Variants in LRRK2 observed in about 807,000 individuals in gnomAD.
The protein encoded by LRRK2 is leucine-rich repeat serine/threonine-protein kinase 2.
Under a neutral mutation model 302.6 loss-of-function variants are expected in LRRK2, and 203 were observed. The ratio of observed to expected loss-of-function variants is 0.67; its 90% CI spans 0.60 to 0.75. LRRK2 has a LOEUF of 0.75. LRRK2 is among the 30% of genes least tolerant of loss of function. LRRK2 has a pLI of 0.00. For synonymous variants in LRRK2, 1,066 were observed against 1,031.9 expected, an observed-to-expected ratio of 1.03 and a Z score of -0.63; for missense variants, 2,830 against 2,951.0, an observed-to-expected ratio of 0.96 and a Z score of 0.95.
chr12:40,264,477 G>A (rs989564571), intron 14 of LRRK2, among the ~76,000 whole-genome samples: 1 of 152,104 alleles, frequency 6.6e-6, no homozygotes, highest in Non-Finnish European at 1.5e-5. Flanking sequence ...AAATTAACTG[G>A]GCATGGTGGC....
chr12:40,263,274 G>T (rs1942855357), intron 13 of LRRK2, among the ~76,000 whole-genome samples: 1 of 152,106 alleles, frequency 6.6e-6, no homozygotes, highest in Non-Finnish European at 1.5e-5. Flanking sequence ...AAATAGCAAT[G>T]CTATTATATA....
Position 40,257,485 on chromosome 12 carries a change from CA to C in LRRK2, c.1418+109del, listed in dbSNP as rs1443323315. Reference sequence around the variant, plus strand: ...TGAAAAGAAAAAGAAAAACATAAGACACTTGAAAACTGAAGCATTTTGCAAT... The same window carrying C: ...TGAAAAGAAAAAGAAAAACATAAGACCTTGAAAACTGAAGCATTTTGCAAT... On this transcript the variant is annotated intron_variant, in intron 12 of 50. Transcript: ENST00000298910. 21 of 1,328,006 alleles carry C rather than the reference CA, an allele frequency of 1.6e-5. No individual in the cohort carries two copies. In the Admixed American group the frequency reaches 3.8e-4, roughly 24 times the overall value. The allele number at this position is 1,328,006 out of a possible 1,614,324, so 82.3% of individuals were successfully genotyped here. A position where few individuals can be genotyped will look rare whatever the true frequency, so the allele number is the denominator to read the frequency against.
chr12:40,278,353 T>C (rs574892056), intron 18 of LRRK2, 92 bp downstream of exon 18: 365 of 1,444,054 alleles, frequency 2.5e-4, no homozygotes, highest in Non-Finnish European at 3.3e-4. Context: ...TATATCATAT[T>C]ATTCTTCACT....
intron 18 of LRRK2, among the ~76,000 whole-genome samples, chr12:40,282,299 G>A (rs1943745495): frequency 6.6e-6 from 1 of 151,478 alleles, no homozygotes; most frequent in Non-Finnish European, 1.5e-5. Context: ...ATATTTGCTA[G>A]ATGTTGTGCT....
intron 19 of LRRK2, among the ~76,000 whole-genome samples, chr12:40,285,411 T>C (rs944074567): frequency 6.6e-6 from 1 of 152,094 alleles, no homozygotes; most frequent in African/African-American, 2.4e-5. Context: ...GTATTCAATA[T>C]TGGCAAAAAA....
Position 40,368,613 on chromosome 12 carries a change from T to C in LRRK2, c.*848T>C, listed in dbSNP as rs896425322. ...ACCACTAGCTACTTGTTTTCTAATC[T>C]GCTTCATTCTAATGCTTATATTCAT... On this transcript the variant is annotated 3_prime_UTR_variant, in exon 51 of 51. Transcript: ENST00000298910. 1 of 151,878 alleles carries C rather than the reference T, an allele frequency of 6.6e-6. No individual in the cohort carries two copies. The highest frequency in any genetic ancestry group is 2.4e-5 in the African/African-American group (1 of 41,410). The allele number at this position is 151,878 out of a possible 1,614,324, so 9.4% of individuals were successfully genotyped here.
chr12:40,311,285 G>C (rs551209400), intron 31 of LRRK2, among the ~76,000 whole-genome samples: 1 of 152,234 alleles, frequency 6.6e-6, no homozygotes, highest in Admixed American at 6.5e-5. Flanking sequence ...AATGTTTAAA[G>C]TTATCTTCTC....
intron 3 of LRRK2, 93 bp from the exon 4 acceptor site, chr12:40,235,533 G>A: frequency 1.3e-6 from 1 of 780,254 alleles, no homozygotes; most frequent in East Asian, 2.6e-5. Context: ...TACAATGAGA[G>A]TAATAAAAAA....
intron 12 of LRRK2, among the ~76,000 whole-genome samples, chr12:40,258,376 T>C (rs1942613635): frequency 6.6e-6 from 1 of 152,180 alleles, no homozygotes; most frequent in African/African-American, 2.4e-5. Flanking sequence ...TATTTAAGTG[T>C]TGTTTTTGAA....
intron 11 of LRRK2, among the ~76,000 whole-genome samples, chr12:40,254,840 G>C (rs901759299): frequency 6.6e-6 from 1 of 152,074 alleles, no homozygotes; most frequent in African/African-American, 2.4e-5. Flanking sequence ...AGATCCTTTT[G>C]TATTGTCTTT....
intron 45 of LRRK2, among the ~76,000 whole-genome samples, chr12:40,354,862 A>C (rs11176165): frequency 0.26 from 39,523 of 151,748 alleles, 5,968 homozygotes; most frequent in Middle Eastern, 0.4. Flanking sequence ...ATATATATAT[A>C]TGAAACCCAT....
intron 14 of LRRK2, among the ~76,000 whole-genome samples, chr12:40,266,480 A>G (rs1330448660): frequency 6.6e-6 from 1 of 152,196 alleles, no homozygotes; most frequent in African/African-American, 2.4e-5. Flanking sequence ...TAGAATGGCG[A>G]TCATTAAAAA....
chr12:40,304,821 A>G (rs988820331), intron 27 of LRRK2: 1 of 152,080 alleles, frequency 6.6e-6, no homozygotes, highest in African/African-American at 2.4e-5. Context: ...ATATGGTAAC[A>G]CAGCATAATT....
intron 7 of LRRK2, among the ~76,000 whole-genome samples, chr12:40,244,892 T>A (rs1412428538): frequency 4.7e-5 from 7 of 150,132 alleles, no homozygotes; most frequent in African/African-American, 1.5e-4. Context: ...ATAATAATTT[T>A]AAAAAAAAGG....
At chr12:40,230,273 GA>G (rs1941115784) in intron 2 of LRRK2, among the ~76,000 whole-genome samples, 1 of 152,122 alleles carries the variant, frequency 6.6e-6, no homozygotes, top group Non-Finnish European at 1.5e-5. Flanking sequence ...AAGAGATCTT[GA>G]GTAATCATTT....
At chr12:40,242,837 G>A (rs1454436426) in intron 6 of LRRK2, among the ~76,000 whole-genome samples, 2 of 59,926 alleles carry the variant, frequency 3.3e-5, no homozygotes, top group Non-Finnish European at 6.9e-5. Flanking sequence ...TATAACATGA[G>A]CCATATCTAA....
Position 40,359,273 on chromosome 12 carries a change from C to T in LRRK2, c.6857C>T (p.Ala2286Val). 2 of 1,610,938 alleles carry T rather than the reference C, an allele frequency of 1.2e-6. No individual in the cohort carries two copies. Among genetic ancestry groups the T allele is most frequent in the South Asian group, 1.1e-5 (1 of 90,968 alleles). ...EDKTVKLKGA[A>V]PLKILNIGNV... ...TTTTTGGCAAAGCTTAAAGGAGCTG[C>T]TCCTTTGAAGATACTAAATATAGGA... Residue 2286 changes from alanine (A) to valine (V), a missense_variant, in exon 47 of 51, where the codon GCT becomes GTT. Coordinates refer to ENST00000298910, the MANE Select transcript of LRRK2 (RefSeq NM_198578.4).
At chr12:40,342,474 G>A in intron 41 of LRRK2, among the ~76,000 whole-genome samples, 1 of 95,214 alleles carries the variant, frequency 1.1e-5, no homozygotes, top group African/African-American at 4.2e-5. Flanking sequence ...TTAGTACTTT[G>A]TAAGCTTTTT....
At chr12:40,367,257 GT>G (rs1279147092) in intron 50 of LRRK2, 180 bp downstream of exon 50, 1 of 558,042 alleles carries the variant, frequency 1.8e-6, no homozygotes, top group African/African-American at 1.9e-5. Context: ...GATATGAAGT[GT>G]TAAATATTTA....
Sources: gnomAD v4.1 joint callset for allele counts (sites outside exome capture counted in the v4.1 genomes callset) on GRCh38, gnomAD v4.1.1 for gene constraint, MANE v1.5 for transcripts, NCBI Gene and HGNC (gene_info 2026-07-23, HGNC 2026-07-21) for gene names.